Variants in ACACA observed in about 807,000 individuals in gnomAD.
ACACA encodes the protein acetyl-CoA carboxylase 1.
In ACACA, 103 loss-of-function variants were observed where a neutral mutation model predicts 296.1. The ratio of observed to expected loss-of-function variants is 0.35; its 90% CI spans 0.30 to 0.41. The LOEUF (loss-of-function observed/expected upper bound fraction) is 0.41. Ranked by LOEUF, ACACA falls within the 10% of genes least tolerant of loss-of-function variation. The pLI is 1.00. For synonymous variants in ACACA, 953 were observed against 1,038.6 expected, an observed-to-expected ratio of 0.92 and a Z score of 1.58; for missense variants, 1,554 against 2,989.7, an observed-to-expected ratio of 0.52 and a Z score of 11.20.
intron 8 of ACACA, 115 bp downstream of exon 8, chr17:37,275,824 GTACCATTAATCA>G: frequency 1.2e-6 from 1 of 826,942 alleles, no homozygotes. Flanking sequence ...GAGCTACAAG[GTACCATTAATCA>G]ACCAGTATTC....
At chr17:37,375,253 G>A (rs545772657) in intron 1 of ACACA, among the ~76,000 whole-genome samples, 2 of 152,162 alleles carry the variant, frequency 1.3e-5, no homozygotes, top group East Asian at 1.9e-4. Context: ...TCGGGAGGCC[G>A]AGGCAGGTGG....
At chr17:37,405,086 C>A (rs1199860657) in intron 1 of ACACA, among the ~76,000 whole-genome samples, 1 of 152,188 alleles carries the variant, frequency 6.6e-6, no homozygotes, top group Non-Finnish European at 1.5e-5. Flanking sequence ...ACTGCACTTG[C>A]TGCTTCTCTT....
chr17:37,151,181 A>T, intron 44 of ACACA, 120 bp downstream of exon 44: 1 of 1,125,110 alleles, frequency 8.9e-7, no homozygotes, highest in Non-Finnish European at 1.3e-6. Context: ...AAATATAATT[A>T]TAGACATACA....
At chr17:37,193,568 T>A (rs1002829203) in intron 35 of ACACA, 153 bp from the exon 36 acceptor site, 2 of 575,088 alleles carry the variant, frequency 3.5e-6, no homozygotes, top group Non-Finnish European at 6.3e-6. Flanking sequence ...ATATGAATGA[T>A]CCTCCGCATA....
chr17:37,398,054 C>T (rs751652668), intron 1 of ACACA, among the ~76,000 whole-genome samples: 77 of 152,016 alleles, frequency 5.1e-4, no homozygotes, highest in Admixed American at 2.7e-3. Flanking sequence ...CACTGTGAAA[C>T]CCCGTCTTTA....
At chr17:37,300,770 T>TA (rs1224565720) in intron 3 of ACACA, among the ~76,000 whole-genome samples, 8 of 152,136 alleles carry the variant, frequency 5.3e-5, no homozygotes, top group African/African-American at 1.4e-4. Context: ...CCAGCTATAA[T>TA]AAAAAATGGA....
intron 1 of ACACA, among the ~76,000 whole-genome samples, chr17:37,362,855 G>T (rs143011573): frequency 0.015 from 2,218 of 151,838 alleles, 45 homozygotes; most frequent in African/African-American, 0.042. Flanking sequence ...GGCGCCTGTA[G>T]TCCCCGCTAC....
At chr17:37,227,022 C>A (rs1340194305) in intron 25 of ACACA, among the ~76,000 whole-genome samples, 3 of 152,124 alleles carry the variant, frequency 2.0e-5, no homozygotes, top group African/African-American at 4.8e-5. Context: ...CATCCCAAAT[C>A]ATTTCTCTTC....
chr17:37,346,497 C>T lies in ACACA; in HGVS notation c.39-6647G>A, dbSNP rs369778449. Among the ~76,000 whole-genome samples, 8 of 151,768 alleles carry T rather than the reference C, an allele frequency of 5.3e-5. No homozygotes were observed. The East Asian group carries it at 7.8e-4, about 15-fold the overall frequency. On this transcript the variant is annotated intron_variant, in intron 1 of 55. Transcript: ENST00000616317. ...CAGGTAAATCACGAGGTCAGGAGAT[C>T]GAGACCATCCTGGCTAACACGGTGA...
At chr17:37,149,997 A>G (rs369123145) in intron 44 of ACACA, 23 bp from the exon 45 acceptor site, 68 of 1,600,550 alleles carry the variant, frequency 4.2e-5, no homozygotes, top group South Asian at 3.1e-4. Flanking sequence ...TAAATTCTAC[A>G]TGTCACATAT....
intron 25 of ACACA, among the ~76,000 whole-genome samples, chr17:37,231,248 T>G (rs1376356794): frequency 6.7e-6 from 1 of 148,554 alleles, no homozygotes; most frequent in Non-Finnish European, 1.5e-5. Context: ...ATAGCCAAAG[T>G]TACACAGTTG....
At chr17:37,168,072 C>A (rs899040209) in intron 41 of ACACA, among the ~76,000 whole-genome samples, 1 of 152,178 alleles carries the variant, frequency 6.6e-6, no homozygotes, top group Non-Finnish European at 1.5e-5. Flanking sequence ...AGAACTGAGA[C>A]TCAGCTTTCT....
At chr17:37,402,376 G>A (rs1245669347) in intron 1 of ACACA, among the ~76,000 whole-genome samples, 1 of 152,094 alleles carries the variant, frequency 6.6e-6, no homozygotes, top group African/African-American at 2.4e-5. Context: ...ATGAAGGTAT[G>A]TCCACCTGGC....
At chr17:37,294,848 AC>A (rs916062672) in intron 3 of ACACA, among the ~76,000 whole-genome samples, 1 of 152,152 alleles carries the variant, frequency 6.6e-6, no homozygotes, top group Non-Finnish European at 1.5e-5. Flanking sequence ...GACGTCTCTG[AC>A]CTTAGGTGGG....
At chr17:37,228,055 G>C (rs1253433891) in intron 25 of ACACA, among the ~76,000 whole-genome samples, 1 of 151,796 alleles carries the variant, frequency 6.6e-6, no homozygotes. Context: ...CCCCATCTCA[G>C]GGATACTCTT....
At chr17:37,114,436 G>A (rs1186031689) in intron 50 of ACACA, among the ~76,000 whole-genome samples, 1 of 151,678 alleles carries the variant, frequency 6.6e-6, no homozygotes, top group Non-Finnish European at 1.5e-5. Flanking sequence ...AGGAGGGTGA[G>A]GTGGGAGGAT....
chr17:37,125,901 T>C, intron 47 of ACACA, 107 bp from the exon 48 acceptor site: 4 of 1,041,656 alleles, frequency 3.8e-6, no homozygotes, highest in Middle Eastern at 2.2e-4. Flanking sequence ...TTGGGGAGTT[T>C]GTTGTTTTTA....
At chr17:37,362,578 C>T (rs796900741) in intron 1 of ACACA, among the ~76,000 whole-genome samples, 13 of 152,252 alleles carry the variant, frequency 8.5e-5, no homozygotes, top group African/African-American at 2.6e-4. Context: ...ACATTATATG[C>T]GCCACTGTCC....
In ACACA at chr17:37,243,435, T is replaced by C. The variant is rs760725326; in HGVS notation, c.2867A>G (p.Lys956Arg). Residue 956 changes from lysine to arginine, a missense_variant, in exon 22 of 56, where the codon AAG (lysine) becomes AGG (arginine). This residue lies in a region of ACACA where 316 missense variants were observed against 540.9 expected (regional missense o/e 0.58). Coordinates refer to ENST00000616317, the MANE Select transcript of ACACA (RefSeq NM_198834.3). ...GCTAGCATACTGAGCCATTTCCTTC[T>C]TGATAGACTTCTCCACATTGGGGGG... ...RIPPNVEKSI[K>R]KEMAQYASNI... is the part of the protein sequence containing the mutation. The C allele has an allele frequency of 1.9e-6, 3 of 1,614,204 alleles. No homozygotes were observed. Among genetic ancestry groups the C allele is most frequent in the South Asian group, 2.2e-5 (2 of 91,078 alleles).
Sources: allele counts gnomAD v4.1 joint callset (sites outside exome capture counted in the v4.1 genomes callset), GRCh38; gene constraint gnomAD v4.1.1; regional missense constraint gnomAD v4.1.1; transcripts MANE v1.5; gene names NCBI Gene and HGNC (gene_info 2026-07-23, HGNC 2026-07-21).